The following PPHLN1 variants were observed in gnomAD, a reference collection of about 807,000 sequenced individuals.
PPHLN1 encodes the protein periphilin-1.
A neutral mutation model predicts 51.3 loss-of-function variants in PPHLN1; 29 were observed. The observed-to-expected ratio is 0.57, with a 90% CI of 0.42 to 0.77. The LOEUF is 0.77. PPHLN1 is among the 30% of genes least tolerant of loss of function. PPHLN1 has a pLI of 0.00. For missense variants in PPHLN1, 436 were observed against 438.4 expected (o/e 0.99, Z 0.05); for synonymous variants, 147 against 147.8 (o/e 0.99, Z 0.04).
In PPHLN1 at chr12:42,375,090, CTT is replaced by C; in HGVS notation, c.511+18_511+19del. 2 of 1,565,538 alleles carry C rather than the reference CTT, an allele frequency of 1.3e-6. No homozygotes were observed. The highest frequency in any genetic ancestry group is 1.4e-5 in the African/African-American group (1 of 72,960). The stretch of plus-strand genomic sequence containing the variant: ...CAACATAGAAGTATGTATTTTAAGA[CTT>C]TATTTTTTTCTCTCACAGTCTCCTC... On this transcript the variant is annotated intron_variant, in intron 5 of 9. Coordinates refer to ENST00000358314, the MANE Select transcript of PPHLN1 (RefSeq NM_201439.2).
chr12:42,351,718 A>G (rs1027278655), intron 2 of PPHLN1, among the ~76,000 whole-genome samples, 167 bp from the exon 3 acceptor site: 1 of 152,128 alleles, frequency 6.6e-6, no homozygotes, highest in Non-Finnish European at 1.5e-5. Flanking sequence ...CCTTTAATCC[A>G]TGTGAAGACC....
intron 4 of PPHLN1, among the ~76,000 whole-genome samples, chr12:42,359,889 C>T (rs1565819127): frequency 6.6e-6 from 1 of 152,018 alleles, no homozygotes; most frequent in Non-Finnish European, 1.5e-5. Flanking sequence ...AGGCAGATCA[C>T]ATGAGGTCAG....
intron 9 of PPHLN1, chr12:42,432,164 A>G (rs2082094878): frequency 2.2e-6 from 2 of 900,188 alleles, no homozygotes; most frequent in Non-Finnish European, 3.8e-6. Flanking sequence ...CATCTTCTTC[A>G]ATGACCAATC....
intron 9 of PPHLN1, among the ~76,000 whole-genome samples, chr12:42,406,685 G>A (rs1295558556): frequency 1.3e-5 from 2 of 152,026 alleles, no homozygotes; most frequent in East Asian, 3.8e-4. Flanking sequence ...GTGGTTATAT[G>A]TGTTGTGGAT....
At chr12:42,445,876 G>T, downstream of PPHLN1, 1 of 1,385,166 alleles carries the variant, frequency 7.2e-7, no homozygotes, top group Non-Finnish European at 9.5e-7. Context: ...ACATAAAACT[G>T]CAGTTTTATG....
chr12:42,361,099 ATTAGGAGGTTAGGCCTT>A (rs2074627450), intron 4 of PPHLN1, among the ~76,000 whole-genome samples: 2 of 152,014 alleles, frequency 1.3e-5, no homozygotes, highest in Admixed American at 1.3e-4. Flanking sequence ...TTATGATAGT[ATTAGGAGGTTAGGCCTT>A]TTAGGAGGTG....
chr12:42,445,065 A>T (rs189727368), downstream of PPHLN1: 12 of 702,376 alleles, frequency 1.7e-5, no homozygotes, highest in Admixed American at 2.2e-4. Flanking sequence ...AACAGCCCTC[A>T]TTAAGTCTAC....
At chr12:42,406,769 C>G (rs192082812) in intron 9 of PPHLN1, among the ~76,000 whole-genome samples, 113 of 152,114 alleles carry the variant, frequency 7.4e-4, no homozygotes, top group African/African-American at 2.2e-3. Flanking sequence ...GTAATCTATA[C>G]TTTTCAATCT....
chr12:42,407,696 A>T (rs2079436425), intron 9 of PPHLN1, among the ~76,000 whole-genome samples: 1 of 152,252 alleles, frequency 6.6e-6, no homozygotes, highest in Non-Finnish European at 1.5e-5. Context: ...ATTTGCATAT[A>T]ACCTACACAC....
At chr12:42,390,505 T>G (rs923770161) in intron 7 of PPHLN1, among the ~76,000 whole-genome samples, 1 of 145,702 alleles carries the variant, frequency 6.9e-6, no homozygotes, top group Non-Finnish European at 1.5e-5. Flanking sequence ...TTGTGCTACA[T>G]GTTAAAAGTT....
At chr12:42,430,261 A>G (rs1286814717) in intron 9 of PPHLN1, among the ~76,000 whole-genome samples, 2 of 151,406 alleles carry the variant, frequency 1.3e-5, no homozygotes, top group Non-Finnish European at 2.9e-5. Flanking sequence ...TCTGACACAG[A>G]CACACACCCC....
At chr12:42,403,983 CATGGT>C (rs1162803634) in intron 9 of PPHLN1, among the ~76,000 whole-genome samples, 1 of 150,926 alleles carries the variant, frequency 6.6e-6, no homozygotes, top group Admixed American at 6.6e-5. Context: ...TTATAAATGG[CATGGT>C]ATAATGAACA....
rs572342178 is a variant in PPHLN1 at position 42,384,236 on chromosome 12, T to A, written c.512-704T>A. On this transcript the variant is annotated intron_variant, in intron 5 of 9. Coordinates refer to ENST00000358314, the MANE Select transcript of PPHLN1 (RefSeq NM_201439.2). ...TGCCAAAACAATTCAGAAAAAATGT[T>A]ATTTTCTCAGAGAAAAAAAAAAAGT... 1.5e-3 allele frequency among the ~76,000 whole-genome samples: 232 copies of A among 152,116 alleles called. 2 individuals are homozygous for A. The highest frequency in any genetic ancestry group is 1.2e-3 in the Non-Finnish European group (84 of 67,978).
At chr12:42,433,718 A>G (rs2139896305) in intron 9 of PPHLN1, among the ~76,000 whole-genome samples, 1 of 152,352 alleles carries the variant, frequency 6.6e-6, no homozygotes, top group South Asian at 2.1e-4. Flanking sequence ...GAAGTGGATT[A>G]TCATAGAGAT....
chr12:42,352,101 T>G, intron 3 of PPHLN1, 52 bp downstream of exon 3: 5 of 1,339,580 alleles, frequency 3.7e-6, no homozygotes, highest in Non-Finnish European at 4.8e-6. Flanking sequence ...AGTTTAAAAT[T>G]AATGTAATTT....
chr12:42,356,903 GATA>G (rs1215220054), intron 4 of PPHLN1, among the ~76,000 whole-genome samples: 1 of 152,168 alleles, frequency 6.6e-6, no homozygotes, highest in Non-Finnish European at 1.5e-5. Context: ...ACTACTTAAA[GATA>G]ATATAATTAT....
chr12:42,417,913 A>AC (rs397953848), intron 9 of PPHLN1, among the ~76,000 whole-genome samples: 1 of 147,234 alleles, frequency 6.8e-6, no homozygotes, highest in Non-Finnish European at 1.5e-5. Context: ...GAAAAAAAAA[A>AC]GCCCTAGTTT....
chr12:42,411,903 C>CAAAAAAAAAAA lies in PPHLN1; in HGVS notation c.909+12919_909+12929dup, dbSNP rs1212289027. ...TGGGGGATAGAGTGAGACTCAGTCT[C>CAAAAAAAAAAA]AAAAAAAAAAAAAAAAAAAAGGGCT... On this transcript the variant is annotated intron_variant, in intron 9 of 9. Coordinates refer to ENST00000358314, the MANE Select transcript of PPHLN1 (RefSeq NM_201439.2). Among the ~76,000 whole-genome samples the CAAAAAAAAAAA allele has an allele frequency of 1.1e-3, 39 of 33,986 alleles. 3 individuals carry two copies. Among genetic ancestry groups the CAAAAAAAAAAA allele is most frequent in the African/African-American group, 3.2e-3 (26 of 8,030 alleles). The allele number at this position is 33,986 out of a possible 152,430, so 22.3% of individuals were successfully genotyped here.
intron 9 of PPHLN1, chr12:42,433,181 A>G: frequency 3.9e-6 from 3 of 766,998 alleles, no homozygotes; most frequent in Non-Finnish European, 7.3e-6. Context: ...TCATCATCCA[A>G]ACTTTAGCCA....
Sources: allele counts gnomAD v4.1 joint callset (sites outside exome capture counted in the v4.1 genomes callset), GRCh38; gene constraint gnomAD v4.1.1; transcripts MANE v1.5; gene names NCBI Gene and HGNC (gene_info 2026-07-23, HGNC 2026-07-21).